ZFHX3: variants seen among roughly 807,000 people sequenced by gnomAD.
ZFHX3 encodes zinc finger homeobox 3.
In ZFHX3, 42 loss-of-function variants were observed where a neutral mutation model predicts 279.1. The ratio of observed to expected loss-of-function variants is 0.15; its 90% CI spans 0.12 to 0.19. The LOEUF is 0.19. ZFHX3 is among the 10% of genes least tolerant of loss of function. The pLI, the probability that ZFHX3 is intolerant of heterozygous loss-of-function variation, is 1.00. For missense variants in ZFHX3, 4,981 were observed against 4,754.0 expected (o/e 1.05, Z -1.40); for synonymous variants, 2,293 against 1,957.8 (o/e 1.17, Z -4.52).
chr16:73,500,617 G>C (rs1343216941), intron 2 of ZFHX3, among the ~76,000 whole-genome samples: 5 of 142,608 alleles, frequency 3.5e-5, no homozygotes, highest in Non-Finnish European at 1.5e-5. Flanking sequence ...GTGAGCCACT[G>C]CACCCAACCT....
At chr16:72,792,469 C>CT (rs1205824652) in intron 9 of ZFHX3, among the ~76,000 whole-genome samples, 5 of 149,760 alleles carry the variant, frequency 3.3e-5, no homozygotes, top group African/African-American at 1.2e-4. Context: ...TTTTTTTTTT[C>CT]TTTTTTTGAG....
intron 3 of ZFHX3, among the ~76,000 whole-genome samples, chr16:73,438,584 A>G (rs1040702067): frequency 6.6e-6 from 1 of 152,264 alleles, no homozygotes. Flanking sequence ...TGCAAGTTAT[A>G]TTACGCATCT....
chr16:72,952,507 G>A (rs1274955719), intron 2 of ZFHX3, among the ~76,000 whole-genome samples: 2 of 152,186 alleles, frequency 1.3e-5, no homozygotes, highest in East Asian at 3.9e-4. Flanking sequence ...CCCTAGGACA[G>A]GGGTCCAGTC....
intron 3 of ZFHX3, among the ~76,000 whole-genome samples, chr16:73,390,837 A>C (rs181076134): frequency 6.6e-6 from 1 of 152,040 alleles, no homozygotes; most frequent in Non-Finnish European, 1.5e-5. Flanking sequence ...AGAGTTACTG[A>C]GGAGGTTTTA....
chr16:73,220,860 G>A (rs548869568), intron 5 of ZFHX3, among the ~76,000 whole-genome samples: 2 of 152,136 alleles, frequency 1.3e-5, no homozygotes, highest in South Asian at 4.1e-4. Flanking sequence ...CTATAGGATA[G>A]TGAAGTCCCT....
chr16:73,039,125 A>G (rs1199571309), intron 1 of ZFHX3, among the ~76,000 whole-genome samples: 1 of 151,768 alleles, frequency 6.6e-6, no homozygotes, highest in African/African-American at 2.4e-5. Context: ...ATTAAAAAAA[A>G]AAAAAAAAAG....
At chr16:73,610,191 G>A (rs998775772) in intron 2 of ZFHX3, 3 of 144,004 alleles carry the variant, frequency 2.1e-5, no homozygotes, top group Non-Finnish European at 3.0e-5. Context: ...TTTCAGAAGC[G>A]TTTACTTTAG....
chr16:73,769,870 G>T (rs2053998000), intron 1 of ZFHX3, among the ~76,000 whole-genome samples: 1 of 152,170 alleles, frequency 6.6e-6, no homozygotes, highest in African/African-American at 2.4e-5. Flanking sequence ...GTGATAAACA[G>T]AACTCTCTCC....
intron 4 of ZFHX3, among the ~76,000 whole-genome samples, chr16:72,882,675 A>G (rs1397905288): frequency 6.6e-6 from 1 of 152,166 alleles, no homozygotes; most frequent in Non-Finnish European, 1.5e-5. Context: ...GTGAAACAGC[A>G]CTGCATATGT....
At chr16:73,206,268 T>G (rs964874707) in intron 5 of ZFHX3, among the ~76,000 whole-genome samples, 15 of 152,170 alleles carry the variant, frequency 9.9e-5, no homozygotes, top group Admixed American at 7.9e-4. Context: ...TACATTTAAT[T>G]TAATATTTCT....
At chr16:73,511,030 G>A (rs962224696) in intron 2 of ZFHX3, among the ~76,000 whole-genome samples, 5 of 152,234 alleles carry the variant, frequency 3.3e-5, no homozygotes, top group African/African-American at 9.6e-5. Flanking sequence ...CTCTGGCTTT[G>A]TGCCTTGTGC....
intron 6 of ZFHX3, among the ~76,000 whole-genome samples, chr16:73,136,609 C>A (rs916690134): frequency 1.1e-4 from 16 of 150,924 alleles, no homozygotes; most frequent in African/African-American, 3.4e-4. Flanking sequence ...CCTGTAGTCC[C>A]AGCTACTTGG....
chr16:73,814,906 C>T (rs1052487390), intron 1 of ZFHX3, among the ~76,000 whole-genome samples: 5 of 152,282 alleles, frequency 3.3e-5, no homozygotes, highest in Non-Finnish European at 7.4e-5. Context: ...TCTCATCCCA[C>T]ATATACTGAA....
At chr16:72,867,732 AAAAAGAAG>A (rs2038056825) in intron 4 of ZFHX3, among the ~76,000 whole-genome samples, 2 of 151,924 alleles carry the variant, frequency 1.3e-5, no homozygotes, top group South Asian at 2.1e-4. Flanking sequence ...GGAAAAAAAA[AAAAAGAAG>A]AAGAAGAAGG....
intron 3 of ZFHX3, among the ~76,000 whole-genome samples, chr16:73,416,133 A>AAC (rs1459711042): frequency 6.6e-6 from 1 of 151,226 alleles, no homozygotes; most frequent in East Asian, 1.9e-4. Context: ...AAAAAAAAAA[A>AAC]AAAAACAAAA....
At chr16:73,350,075 A>C (rs946870427) in intron 3 of ZFHX3, among the ~76,000 whole-genome samples, 2 of 149,164 alleles carry the variant, frequency 1.3e-5, no homozygotes, top group Admixed American at 1.3e-4. Flanking sequence ...TTCTCCACAC[A>C]GAGAAATCTG....
At chr16:73,458,270 C>A (rs1180953372) in intron 2 of ZFHX3, among the ~76,000 whole-genome samples, 2 of 151,780 alleles carry the variant, frequency 1.3e-5, no homozygotes, top group Non-Finnish European at 2.9e-5. Context: ...TTTCTCCTTT[C>A]TTTCTTTCTC....
intron 1 of ZFHX3, among the ~76,000 whole-genome samples, chr16:73,843,991 G>A (rs994268406): frequency 6.6e-6 from 1 of 152,086 alleles, no homozygotes; most frequent in Non-Finnish European, 1.5e-5. Context: ...ATCATTCTTA[G>A]CTGCCAGGCC....
At chr16:73,466,214 GCTCATGC>G (rs2018568319) in intron 2 of ZFHX3, among the ~76,000 whole-genome samples, 1 of 152,042 alleles carries the variant, frequency 6.6e-6, no homozygotes, top group South Asian at 2.1e-4. Context: ...AGGCACGGTG[GCTCATGC>G]CTGTAATCCC....
Sources: gnomAD v4.1 joint callset for allele counts (sites outside exome capture counted in the v4.1 genomes callset) on GRCh38, gnomAD v4.1.1 for gene constraint, MANE v1.5 for transcripts, NCBI Gene and HGNC (gene_info 2026-07-23, HGNC 2026-07-21) for gene names.